AKT3: variants seen among roughly 807,000 people sequenced by gnomAD.
The protein encoded by AKT3 is RAC-gamma serine/threonine-protein kinase.
Under a neutral mutation model 65.3 loss-of-function variants are expected in AKT3, and 15 were observed. The observed-to-expected ratio is 0.23, with a 90% CI of 0.15 to 0.35. The LOEUF (loss-of-function observed/expected upper bound fraction) is 0.35, where lower values mean the gene tolerates loss of function less well. AKT3 is among the 10% of genes least tolerant of loss of function. The pLI is 1.00. For synonymous variants in AKT3, 206 were observed against 183.8 expected, an observed-to-expected ratio of 1.12 and a Z score of -0.98; for missense variants, 243 against 576.5, an observed-to-expected ratio of 0.42 and a Z score of 5.92.
At chr1:243,499,445 G>A (rs959792166), downstream of AKT3, among the ~76,000 whole-genome samples, 1 of 152,154 alleles carries the variant, frequency 6.6e-6, no homozygotes, top group South Asian at 2.1e-4. Flanking sequence ...GTCCTTTCCC[G>A]GACAGAAGAG....
rs142512199 is a variant in AKT3, at chr1:243,609,388, C to T, written c.696+4283G>A. On this transcript the variant is annotated intron_variant, in intron 8 of 13. Coordinates refer to ENST00000673466, the MANE Select transcript of AKT3 (RefSeq NM_005465.7). ...TGTGTACCAACACTGTAATTACCTA[C>T]GCATGTTAAAATTATACACCACATA... Among the ~76,000 whole-genome samples, 299 of 149,726 alleles carry T rather than the reference C, an allele frequency of 2.0e-3. 2 individuals are homozygous for T. The Middle Eastern group carries it at 0.032, about 16-fold the overall frequency.
intron 2 of AKT3, among the ~76,000 whole-genome samples, chr1:243,722,424 C>G (rs1022333362): frequency 1.3e-5 from 2 of 152,096 alleles, no homozygotes; most frequent in East Asian, 3.9e-4. Context: ...TGAGTACATG[C>G]ATATGAATAA....
rs532990777 is a variant in AKT3, at chr1:243,540,263, A to T, written c.1251+5247T>A. Among the ~76,000 whole-genome samples the T allele has an allele frequency of 2.4e-4, 37 of 152,298 alleles. 1 individual carries two copies. Among genetic ancestry groups the T allele is most frequent in the Admixed American group, 2.4e-3 (37 of 15,300 alleles). On this transcript the variant is annotated intron_variant, in intron 12 of 13. Transcript: ENST00000673466. Reference sequence around the variant, plus strand: ...CATCATGAACAAGTGGTTTTTTTCAACAGGAATGCAAGGTTCACTCAACTT... The same window carrying T: ...CATCATGAACAAGTGGTTTTTTTCATCAGGAATGCAAGGTTCACTCAACTT...
At chr1:243,582,819 T>C (rs1000906494) in intron 8 of AKT3, among the ~76,000 whole-genome samples, 3 of 151,946 alleles carry the variant, frequency 2.0e-5, no homozygotes, top group Non-Finnish European at 4.4e-5. Flanking sequence ...AGTGGCATGT[T>C]GGATAAAAAA....
chr1:243,497,108 T>A (rs1354582233), downstream of AKT3, among the ~76,000 whole-genome samples: 1 of 152,156 alleles, frequency 6.6e-6, no homozygotes, highest in South Asian at 2.1e-4. Flanking sequence ...CCATGATCAC[T>A]GTGGTGTTGA....
At chr1:243,849,258 C>T (rs185853556) in intron 1 of AKT3, among the ~76,000 whole-genome samples, 17 of 152,270 alleles carry the variant, frequency 1.1e-4, no homozygotes, top group African/African-American at 3.9e-4. Context: ...GCAGCGACAG[C>T]ATCACTGGAT....
intron 11 of AKT3, chr1:243,548,265 T>C (rs1357043252): frequency 6.6e-6 from 1 of 152,244 alleles, no homozygotes; most frequent in Non-Finnish European, 1.5e-5. Context: ...TCATTTGAAT[T>C]GTACTTGAGA....
intron 2 of AKT3, among the ~76,000 whole-genome samples, chr1:243,830,230 G>C (rs1192892488): frequency 6.6e-6 from 1 of 152,160 alleles, no homozygotes; most frequent in African/African-American, 2.4e-5. Context: ...ATTAGGTAAT[G>C]TAAGTAATTT....
intron 8 of AKT3, among the ~76,000 whole-genome samples, chr1:243,591,951 G>T (rs187163397): frequency 6.6e-6 from 1 of 152,266 alleles, no homozygotes; most frequent in African/African-American, 2.4e-5. Context: ...TGGAACAAGA[G>T]AAATGAGTAA....
At chr1:243,488,243 G>A (rs893983439) in exon 14 of AKT3, 1 of 152,400 alleles carries the variant, frequency 6.6e-6, no homozygotes, top group Non-Finnish European at 1.5e-5. Context: ...GTAGCCTGGA[G>A]TTTGAAATGC....
intron 6 of AKT3, among the ~76,000 whole-genome samples, chr1:243,626,629 T>C (rs926129880): frequency 4.6e-5 from 7 of 150,696 alleles, no homozygotes; most frequent in Admixed American, 2.0e-4. Context: ...GTAGGTACAA[T>C]AGAAGGTAAA....
intron 8 of AKT3, among the ~76,000 whole-genome samples, chr1:243,606,519 T>C (rs1000218654): frequency 2.6e-5 from 4 of 152,130 alleles, no homozygotes; most frequent in Admixed American, 1.3e-4. Context: ...AGGAGATGAT[T>C]TGGGGGTATC....
chr1:243,790,873 T>C (rs1691591618), intron 2 of AKT3, among the ~76,000 whole-genome samples: 1 of 152,178 alleles, frequency 6.6e-6, no homozygotes, highest in African/African-American at 2.4e-5. Context: ...CATACACATT[T>C]ATTAAGTTCA....
chr1:243,603,772 C>A (rs1677190128), intron 8 of AKT3, among the ~76,000 whole-genome samples: 1 of 152,094 alleles, frequency 6.6e-6, no homozygotes, highest in African/African-American at 2.4e-5. Context: ...CCACAATTCC[C>A]CAAGCAGCAA....
At chr1:243,652,749 T>C (rs926083531) in intron 4 of AKT3, among the ~76,000 whole-genome samples, 2 of 118,832 alleles carry the variant, frequency 1.7e-5, no homozygotes, top group African/African-American at 6.9e-5. Context: ...GAAGAAGGAA[T>C]ATTTACCAAG....
intron 9 of AKT3, among the ~76,000 whole-genome samples, chr1:243,566,224 T>C (rs1303118469): frequency 6.6e-6 from 1 of 152,172 alleles, no homozygotes; most frequent in Non-Finnish European, 1.5e-5. Context: ...AATTCTGACT[T>C]GCATCTAATT....
At chr1:243,664,936 G>A in intron 3 of AKT3, 53 bp from the exon 4 acceptor site, 2 of 1,074,092 alleles carry the variant, frequency 1.9e-6, no homozygotes, top group Non-Finnish European at 1.3e-6. Flanking sequence ...AAAACAAGAA[G>A]TAAATAATTG....
intron 5 of AKT3, among the ~76,000 whole-genome samples, chr1:243,642,201 T>G (rs534611813): frequency 1.2e-4 from 19 of 152,360 alleles, no homozygotes; most frequent in African/African-American, 4.3e-4. Context: ...ATGGTCAGAA[T>G]GGTATACACA....
intron 2 of AKT3, among the ~76,000 whole-genome samples, chr1:243,821,321 G>A (rs563541473): frequency 9.8e-5 from 15 of 152,290 alleles, no homozygotes; most frequent in African/African-American, 3.6e-4. Context: ...ACCAGCCACT[G>A]CAAAAATACA....
Sources: gnomAD v4.1 joint callset for allele counts (sites outside exome capture counted in the v4.1 genomes callset) on GRCh38, gnomAD v4.1.1 for gene constraint, MANE v1.5 for transcripts, NCBI Gene and HGNC (gene_info 2026-07-23, HGNC 2026-07-21) for gene names.